The following KCNK3 variants were observed in gnomAD, a reference collection of about 807,000 sequenced individuals.
KCNK3 encodes the protein potassium channel subfamily K member 3.
Under a neutral mutation model 27.3 loss-of-function variants are expected in KCNK3, and 9 were observed. The observed-to-expected ratio is 0.33, with a 90% CI of 0.20 to 0.57. The LOEUF is 0.57. KCNK3 is among the 20% of genes least tolerant of loss of function. The pLI is 0.87. For missense variants in KCNK3, 391 were observed against 577.7 expected (o/e 0.68, Z 3.31); for synonymous variants, 278 against 273.8 (o/e 1.02, Z -0.15).
intron 1 of KCNK3, among the ~76,000 whole-genome samples, chr2:26,694,616 C>A (rs1670212043): frequency 6.6e-6 from 1 of 152,068 alleles, no homozygotes; most frequent in Non-Finnish European, 1.5e-5. Flanking sequence ...GCTGGGGCAC[C>A]TCTGGGTCCT....
rs1558607117 is a variant in KCNK3 at position 26,731,969 on chromosome 2, AG to A, written c.*3405del. ...GAGAATGGATTCCTTCTCCTGCAGT[AG>A]GGGCCCCCTGGCTGAGTGGCCTGAT... On this transcript the variant is annotated 3_prime_UTR_variant, in exon 2 of 2. Coordinates refer to ENST00000302909, the MANE Select transcript of KCNK3 (RefSeq NM_002246.3). The A allele has an allele frequency of 6.6e-6, 1 of 152,242 alleles. No homozygotes were observed. Among genetic ancestry groups the A allele is most frequent in the East Asian group, 1.9e-4 (1 of 5,202 alleles). 9.4% of individuals were successfully genotyped at this position (152,242 alleles called of 1,614,324 possible). A position where few individuals can be genotyped will look rare whatever the true frequency, so the allele number is the denominator to read the frequency against.
At chr2:26,700,726 A>G (rs1356813229) in intron 1 of KCNK3, among the ~76,000 whole-genome samples, 2 of 110,808 alleles carry the variant, frequency 1.8e-5, no homozygotes, top group African/African-American at 7.0e-5. Context: ...CATCATCATC[A>G]TCACCATCAT....
chr2:26,713,787 A>AG (rs541928501), intron 1 of KCNK3, among the ~76,000 whole-genome samples: 8,546 of 151,012 alleles, frequency 0.057, 311 homozygotes, highest in Middle Eastern at 0.15. Context: ...CAAAAAAAAA[A>AG]AAAAAGGGCT....
chr2:26,719,967 T>A (rs1663298056), intron 1 of KCNK3, among the ~76,000 whole-genome samples: 1 of 152,152 alleles, frequency 6.6e-6, no homozygotes, highest in Non-Finnish European at 1.5e-5. Flanking sequence ...TACCCATCTA[T>A]AAAATGAGTG....
intron 1 of KCNK3, among the ~76,000 whole-genome samples, chr2:26,716,422 C>T (rs772605082): frequency 2.6e-5 from 4 of 152,100 alleles, no homozygotes; most frequent in Non-Finnish European, 5.9e-5. Context: ...AAAACACCTG[C>T]TGGTTGGAGT....
chr2:26,725,652 G>T (rs1477907251), intron 1 of KCNK3, among the ~76,000 whole-genome samples: 1 of 152,224 alleles, frequency 6.6e-6, no homozygotes, highest in Non-Finnish European at 1.5e-5. Flanking sequence ...CCCTACTGGA[G>T]CACAGACGTC....
chr2:26,719,741 A>G (rs933193368), intron 1 of KCNK3, among the ~76,000 whole-genome samples: 5 of 152,118 alleles, frequency 3.3e-5, no homozygotes, highest in Non-Finnish European at 7.4e-5. Flanking sequence ...TACATCACCA[A>G]CTCAAGTCCA....
chr2:26,706,267 G>A (rs1191578362), intron 1 of KCNK3, among the ~76,000 whole-genome samples: 2 of 152,072 alleles, frequency 1.3e-5, no homozygotes, highest in South Asian at 2.1e-4. Flanking sequence ...GTCAGTGGGT[G>A]GCCCCCAGAG....
intron 1 of KCNK3, among the ~76,000 whole-genome samples, chr2:26,698,959 G>A (rs956881506): frequency 1.3e-5 from 2 of 152,044 alleles, no homozygotes; most frequent in African/African-American, 2.4e-5. Flanking sequence ...GGCAGATCGC[G>A]TGAGGTCAGG....
At chr2:26,722,681 C>T (rs113640700) in intron 1 of KCNK3, among the ~76,000 whole-genome samples, 4 of 152,350 alleles carry the variant, frequency 2.6e-5, no homozygotes, top group African/African-American at 9.6e-5. Context: ...ATCAGACTTT[C>T]TGACTGGCAG....
rs958015823 is a variant in KCNK3, at chr2:26,731,507, G to A, written c.*2939G>A. On this transcript the variant is annotated 3_prime_UTR_variant, in exon 2 of 2. Transcript: ENST00000302909. ...GCACGAGAATCGCTTGAACCCGGGA[G>A]GCGGAGGTTGCAGTGAGCTGAGATC... The A allele has an allele frequency of 6.6e-6, 1 of 152,468 alleles. No homozygotes were observed. Among genetic ancestry groups the A allele is most frequent in the Non-Finnish European group, 1.5e-5 (1 of 68,256 alleles). 9.4% of individuals were successfully genotyped at this position (152,468 alleles called of 1,614,324 possible). A position where few individuals can be genotyped will look rare whatever the true frequency, so the allele number is the denominator to read the frequency against.
At chr2:26,724,561 G>A in intron 1 of KCNK3, 2 of 979,576 alleles carry the variant, frequency 2.0e-6, no homozygotes, top group Non-Finnish European at 2.4e-6. Context: ...CATCTGAAGG[G>A]TAAGAACTTA....
At position 26,729,835 on chromosome 2, in the gene KCNK3, CA is replaced by C. The variant is rs71401508; in HGVS notation, c.*1284del. On this transcript the variant is annotated 3_prime_UTR_variant, in exon 2 of 2. Coordinates refer to ENST00000302909, the MANE Select transcript of KCNK3 (RefSeq NM_002246.3). ...TGGGTGACAGGGCAAGACCCTGTCT[CA>C]AAAAAAAAAAAAAAAATGGCAAAGG... 28 of 125,644 alleles carry C rather than the reference CA, an allele frequency of 2.2e-4. 1 individual carries two copies. The highest frequency in any genetic ancestry group is 3.3e-4 in the African/African-American group (11 of 33,040). 7.8% of individuals were successfully genotyped at this position (125,644 alleles called of 1,614,324 possible). A position where few individuals can be genotyped will look rare whatever the true frequency, so the allele number is the denominator to read the frequency against.
chr2:26,718,608 T>C (rs1663274032), intron 1 of KCNK3, among the ~76,000 whole-genome samples: 1 of 138,356 alleles, frequency 7.2e-6, no homozygotes, highest in Non-Finnish European at 1.6e-5. Context: ...AATGTATATG[T>C]GAATACACTT....
In KCNK3 at chr2:26,693,255, C is replaced by T. The variant is rs1572598954; in HGVS notation, c.283+97C>T. ...CTGGGGCTGGGGGCGGGGGCTCCCC[C>T]GAGAGGGGCTGGGCGCCGAACCCTG... On this transcript the variant is annotated intron_variant, in intron 1 of 1. Coordinates refer to ENST00000302909, the MANE Select transcript of KCNK3 (RefSeq NM_002246.3). The surrounding 1 kb of genome is among the most constrained non-coding windows in gnomAD (Gnocchi z 5.5). 1.7e-6 allele frequency: 2 copies of T among 1,183,054 alleles called. No homozygotes were observed. Among genetic ancestry groups the T allele is most frequent in the South Asian group, 3.5e-5 (2 of 57,012 alleles). 73.3% of individuals were successfully genotyped at this position (1,183,054 alleles called of 1,614,324 possible).
rs1315891897 is a variant in KCNK3, at chr2:26,723,642, G to A, written c.284-4025G>A. On this transcript the variant is annotated intron_variant, in intron 1 of 1. Coordinates refer to ENST00000302909, the MANE Select transcript of KCNK3 (RefSeq NM_002246.3). Reference sequence around the variant, plus strand: ...ATAATCCTGGTTCTGGCATTCACAAGCTGTGTGACCTTGAACAGATTGCTT... The same window carrying A: ...ATAATCCTGGTTCTGGCATTCACAAACTGTGTGACCTTGAACAGATTGCTT... Among the ~76,000 whole-genome samples, 9 of 152,346 alleles carry A rather than the reference G, an allele frequency of 5.9e-5. No individual in the cohort carries two copies. The East Asian group carries it at 1.2e-3, about 20-fold the overall frequency.
At chr2:26,703,423 G>T (rs907431827) in intron 1 of KCNK3, among the ~76,000 whole-genome samples, 1 of 152,136 alleles carries the variant, frequency 6.6e-6, no homozygotes, top group African/African-American at 2.4e-5. Context: ...ATCCCACTAA[G>T]GGTCACAATA....
chr2:26,703,621 T>C (rs1243653195), intron 1 of KCNK3, among the ~76,000 whole-genome samples: 1 of 152,188 alleles, frequency 6.6e-6, no homozygotes, highest in Non-Finnish European at 1.5e-5. Context: ...CAAAGATCAT[T>C]TGAGATGTCC....
chr2:26,728,209 G>A lies in KCNK3; in HGVS notation c.826G>A (p.Gly276Ser), dbSNP rs986931065. The A allele has an allele frequency of 9.6e-6, 15 of 1,562,590 alleles. No homozygotes were observed. In the African/African-American group the frequency reaches 2.0e-4, roughly 21 times the overall value. ...CGGGCAGGCGGGCGGCGGCGGAGGG[G>A]GTGGCAGCGCGCACACTACGGACAC... is the stretch of plus-strand genomic sequence containing the variant. ...RNGQAGGGGG[G>S]GSAHTTDTAS... Residue 276 changes from glycine to serine, a missense_variant, in exon 2 of 2, where the codon GGT becomes AGT. Coordinates refer to ENST00000302909, the MANE Select transcript of KCNK3 (RefSeq NM_002246.3).
Sources: allele counts gnomAD v4.1 joint callset (sites outside exome capture counted in the v4.1 genomes callset), GRCh38; gene constraint gnomAD v4.1.1; non-coding constraint Gnocchi (gnomAD v3.1); transcripts MANE v1.5; gene names NCBI Gene and HGNC (gene_info 2026-07-23, HGNC 2026-07-21).